The following TMEM183A variants were observed in gnomAD, a reference collection of about 807,000 sequenced individuals.
TMEM183A encodes the protein chromosome 1 open reading frame 37.
Under a neutral mutation model 46.7 loss-of-function variants are expected in TMEM183A, and 21 were observed. The observed-to-expected ratio is 0.45, with a 90% CI of 0.32 to 0.65. TMEM183A has a LOEUF of 0.65. Among genes scored for constraint, TMEM183A ranks in the 30% least tolerant of loss-of-function variants. The pLI, the probability that TMEM183A is intolerant of heterozygous loss-of-function variation, is 0.04. For synonymous variants in TMEM183A, 165 were observed against 180.2 expected (o/e 0.92, Z 0.68); for missense variants, 331 against 481.9 (o/e 0.69, Z 2.93).
chr1:203,018,402 G>A, intron 5 of TMEM183A, 79 bp from the exon 6 acceptor site: 2 of 1,507,692 alleles, frequency 1.3e-6, no homozygotes, highest in Non-Finnish European at 1.8e-6. Flanking sequence ...AAGGTTTTTG[G>A]TGATTATTTT....
intron 3 of TMEM183A, 23 bp from the exon 4 acceptor site, chr1:203,014,866 G>T (rs777866934): frequency 1.2e-6 from 2 of 1,613,276 alleles, no homozygotes; most frequent in Admixed American, 1.7e-5. Context: ...GAAGATCAGA[G>T]ATTATTCTTT....
At chr1:203,020,052 T>G (rs1657520974) in intron 6 of TMEM183A, among the ~76,000 whole-genome samples, 1 of 151,660 alleles carries the variant, frequency 6.6e-6, no homozygotes, top group Non-Finnish European at 1.5e-5. Flanking sequence ...TGTTTTCACT[T>G]GTCTCCTCTA....
Position 203,022,828 on chromosome 1 carries a change from G to C in TMEM183A, c.946-27G>C, listed in dbSNP as rs751319382. 1.9e-6 allele frequency: 3 copies of C among 1,613,616 alleles called. No individual in the cohort carries two copies. In the Admixed American group the frequency reaches 5.0e-5, roughly 27 times the overall value. On this transcript the variant is annotated intron_variant, in intron 7 of 7. Coordinates refer to ENST00000367242, the MANE Select transcript of TMEM183A (RefSeq NM_138391.6). Reference sequence around the variant, plus strand: ...TTGGAAACCAAGGTTGTGTAAGTTGGATACTGAATTTGCTTTTCCATTTCA... The same window carrying C: ...TTGGAAACCAAGGTTGTGTAAGTTGCATACTGAATTTGCTTTTCCATTTCA...
intron 5 of TMEM183A, 71 bp from the exon 6 acceptor site, chr1:203,018,410 T>G (rs776337805): frequency 8.0e-5 from 123 of 1,529,240 alleles, no homozygotes; most frequent in Non-Finnish European, 1.1e-4. Context: ...TGGTGATTAT[T>G]TTGGTTGTAG....
intron 3 of TMEM183A, 58 bp downstream of exon 3, chr1:203,008,868 T>A (rs1377473597): frequency 6.8e-7 from 1 of 1,460,942 alleles, no homozygotes; most frequent in East Asian, 2.6e-5. Flanking sequence ...AAATTGAAGA[T>A]GTTACTTTCC....
Position 203,013,290 on chromosome 1 carries a change from C to G in TMEM183A, c.368-1599C>G, listed in dbSNP as rs182344729. Among the ~76,000 whole-genome samples, 14 of 152,194 alleles carry G rather than the reference C, an allele frequency of 9.2e-5. No homozygotes were observed. The highest frequency in any genetic ancestry group is 3.4e-4 in the African/African-American group (14 of 41,534). On this transcript the variant is annotated intron_variant, in intron 3 of 7. Coordinates refer to ENST00000367242, the MANE Select transcript of TMEM183A (RefSeq NM_138391.6). This position sits in a 1 kb window ranked among gnomAD's most constrained non-coding sequence, Gnocchi z 4.0. ...CAACTTTGGGGAGATGGTGTAGGGG[C>G]TTTTTCCCCAGGAAGGAAGAAAGCT...
At position 203,018,574 on chromosome 1, in the gene TMEM183A, CTCTT is replaced by C. The variant is rs1278245785; in HGVS notation, c.789+15_789+18del. ...GTTCAAAAAACAGGTACGTGGTCTT[CTCTT>C]TGTTTTTCAGATAATACCTTGTTCT... On this transcript the variant is annotated intron_variant, in intron 6 of 7. Transcript: ENST00000367242. 1.9e-6 allele frequency: 3 copies of C among 1,611,084 alleles called. No homozygotes were observed. The African/African-American group carries it at 4.0e-5, about 22-fold the overall frequency.
chr1:203,017,332 G>T (rs1401662471), intron 5 of TMEM183A, among the ~76,000 whole-genome samples: 1 of 152,138 alleles, frequency 6.6e-6, no homozygotes, highest in Non-Finnish European at 1.5e-5. Flanking sequence ...GCCATGCCAG[G>T]AGTGAATCAA....
rs1657376943 is a variant in TMEM183A, at chr1:203,018,477, A to G, written c.709-4A>G. 6.2e-7 allele frequency: 1 copy of G among 1,606,542 alleles called. No individual in the cohort carries two copies. The highest frequency in any genetic ancestry group is 2.1e-4 in the Middle Eastern group (1 of 4,678). ...TGGTTTATTTTATTTTTACTTTCTT[A>G]TAGTGCTTACTTTTCTGGTGCAGAA... On this transcript the variant is annotated splice_region_variant and splice_polypyrimidine_tract_variant and intron_variant, in intron 5 of 7. Transcript: ENST00000367242.
chr1:203,009,402 C>T (rs541709591), intron 3 of TMEM183A, among the ~76,000 whole-genome samples: 23 of 152,228 alleles, frequency 1.5e-4, no homozygotes, highest in Admixed American at 8.5e-4. Flanking sequence ...GATAATATAA[C>T]GTGCCAAACC....
At chr1:203,021,474 C>T (rs1657677130) in intron 7 of TMEM183A, among the ~76,000 whole-genome samples, 1 of 152,126 alleles carries the variant, frequency 6.6e-6, no homozygotes, top group Non-Finnish European at 1.5e-5. Flanking sequence ...TTAATTATAT[C>T]TGAGAGTATT....
chr1:203,017,143 T>C (rs1296517604), intron 5 of TMEM183A, among the ~76,000 whole-genome samples: 1 of 152,186 alleles, frequency 6.6e-6, no homozygotes, highest in Admixed American at 6.5e-5. Flanking sequence ...AATATCATGC[T>C]AACTGGTGGA....
At chr1:203,011,880 T>G (rs1270835060) in intron 3 of TMEM183A, among the ~76,000 whole-genome samples, 1 of 151,446 alleles carries the variant, frequency 6.6e-6, no homozygotes, top group Non-Finnish European at 1.5e-5. Flanking sequence ...TTTTTTTTTT[T>G]TTTTCTTTTT....
chr1:203,008,797 C>G lies in TMEM183A; in HGVS notation c.354C>G (p.Ser118Arg). Residue 118 changes from serine to arginine, a missense_variant, in exon 3 of 8, where the codon AGC becomes AGG. Physicochemically the swap from Ser to Arg is moderately radical, Grantham distance 110. Coordinates refer to ENST00000367242, the MANE Select transcript of TMEM183A (RefSeq NM_138391.6). Reference protein sequence around the residue: ...HERTVSRKKKSKRHKEELDGA... With the variant: ...HERTVSRKKKRKRHKEELDGA... ...GAACTGTCTCCAGAAAAAAGAAAAG[C>G]AAGAGACACAAAGGTATGGAGCTTG... 6.2e-7 allele frequency: 1 copy of G among 1,606,024 alleles called. No homozygotes were observed. The highest frequency in any genetic ancestry group is 1.1e-5 in the South Asian group (1 of 89,806).
In TMEM183A at chr1:203,021,981, C is replaced by T. The variant is rs76076147; in HGVS notation, c.946-874C>T. On this transcript the variant is annotated intron_variant, in intron 7 of 7. Coordinates refer to ENST00000367242, the MANE Select transcript of TMEM183A (RefSeq NM_138391.6). ...GTAACTGCAATTAATCTTTTGGGAA[C>T]TGTTCTCTTAATGTGTCTGTTAATA... Among the ~76,000 whole-genome samples, 1,145 of 152,294 alleles carry T rather than the reference C, an allele frequency of 7.5e-3. 21 individuals carry two copies. The highest frequency in any genetic ancestry group is 0.026 in the African/African-American group (1,100 of 41,568).
At chr1:203,011,744 T>C (rs982511931) in intron 3 of TMEM183A, among the ~76,000 whole-genome samples, 3 of 152,178 alleles carry the variant, frequency 2.0e-5, no homozygotes, top group African/African-American at 7.2e-5. Context: ...CTTCTTTATC[T>C]ATTCAGATTA....
chr1:203,010,432 G>C (rs779539229), intron 3 of TMEM183A, among the ~76,000 whole-genome samples: 2 of 152,138 alleles, frequency 1.3e-5, no homozygotes, highest in Admixed American at 1.3e-4. Context: ...GAAAGGAAAT[G>C]CTTATTGGAG....
At chr1:203,018,603 T>G in intron 6 of TMEM183A, 42 bp downstream of exon 6, 1 of 1,585,726 alleles carries the variant, frequency 6.3e-7, no homozygotes. Context: ...TACCTTGTTC[T>G]AAGAGATTTC....
At position 203,007,394 on chromosome 1, in the gene TMEM183A, C is replaced by A; in HGVS notation, c.-72C>A. 1 of 1,301,124 alleles carries A rather than the reference C, an allele frequency of 7.7e-7. No homozygotes were observed. The highest frequency in any genetic ancestry group is 9.8e-7 in the Non-Finnish European group (1 of 1,018,214). 80.6% of individuals were successfully genotyped at this position (1,301,124 alleles called of 1,614,324 possible). A position where few individuals can be genotyped will look rare whatever the true frequency, so the allele number is the denominator to read the frequency against. ...ATGTTCTCGCGAGAGTTAGCGGCCT[C>A]CGGTGTGGGATGGCCGCGGAGCCGG... On this transcript the variant is annotated 5_prime_UTR_variant, in exon 1 of 8. Transcript: ENST00000367242.
Sources: gnomAD v4.1 joint callset for allele counts (sites outside exome capture counted in the v4.1 genomes callset) on GRCh38, gnomAD v4.1.1 for gene constraint, Gnocchi (gnomAD v3.1) non-coding constraint, MANE v1.5 for transcripts, NCBI Gene and HGNC (gene_info 2026-07-23, HGNC 2026-07-21) for gene names.